PTPRD: variants seen among roughly 807,000 people sequenced by gnomAD.
The protein encoded by PTPRD is receptor-type tyrosine-protein phosphatase delta.
In PTPRD, 34 loss-of-function variants were observed where a neutral mutation model predicts 214.5. That is an observed-to-expected ratio of 0.16 (90% CI 0.12 to 0.21). The LOEUF is 0.21. PTPRD is among the 10% of genes least tolerant of loss of function. The pLI, the probability that PTPRD is intolerant of heterozygous loss-of-function variation, is 1.00. For synonymous variants in PTPRD, 1,128 were observed against 845.7 expected, an observed-to-expected ratio of 1.33 and a Z score of -5.79; for missense variants, 2,545 against 2,398.7, an observed-to-expected ratio of 1.06 and a Z score of -1.27.
At chr9:10,350,146 G>GT (rs147846534) in intron 2 of PTPRD, among the ~76,000 whole-genome samples, 24 of 151,448 alleles carry the variant, frequency 1.6e-4, no homozygotes, top group East Asian at 3.9e-4. Flanking sequence ...GAGTATACAT[G>GT]TTTTTTTTTC....
At chr9:9,843,103 TATA>T (rs2058717349) in intron 5 of PTPRD, among the ~76,000 whole-genome samples, 1 of 152,106 alleles carries the variant, frequency 6.6e-6, no homozygotes, top group Admixed American at 6.6e-5. Flanking sequence ...GATTTTGGGC[TATA>T]ATGTCAGAGT....
chr9:8,839,707 T>C lies in PTPRD; in HGVS notation c.-103-105761A>G, dbSNP rs192768031. Reference sequence around the variant, plus strand: ...ACATAACAACCCTAAAAAGAAATAATGCAAAATATAGAAAAAGCTACCTCT... The same window carrying C: ...ACATAACAACCCTAAAAAGAAATAACGCAAAATATAGAAAAAGCTACCTCT... On this transcript the variant is annotated intron_variant, in intron 11 of 45. Coordinates refer to ENST00000381196, the MANE Select transcript of PTPRD (RefSeq NM_002839.4). Among the ~76,000 whole-genome samples the C allele has an allele frequency of 1.8e-3, 279 of 152,206 alleles. 1 individual carries two copies. Among genetic ancestry groups the C allele is most frequent in the Non-Finnish European group, 1.5e-3 (99 of 67,998 alleles).
At chr9:9,955,482 C>T (rs1022520913) in intron 4 of PTPRD, among the ~76,000 whole-genome samples, 6 of 151,382 alleles carry the variant, frequency 4.0e-5, no homozygotes, top group Non-Finnish European at 8.8e-5. Flanking sequence ...CAACATTGAA[C>T]TCTGGATATT....
chr9:10,052,617 T>A (rs1285579600), intron 3 of PTPRD, among the ~76,000 whole-genome samples: 1 of 152,186 alleles, frequency 6.6e-6, no homozygotes, highest in Non-Finnish European at 1.5e-5. Flanking sequence ...ACCATCTCTA[T>A]TTATATTTTT....
At chr9:9,505,784 T>G (rs1379910434) in intron 8 of PTPRD, among the ~76,000 whole-genome samples, 1 of 151,550 alleles carries the variant, frequency 6.6e-6, no homozygotes, top group African/African-American at 2.4e-5. Context: ...GATAAACCTT[T>G]TAAATTTATT....
chr9:9,809,740 C>A (rs2046553652), intron 5 of PTPRD, among the ~76,000 whole-genome samples: 1 of 152,126 alleles, frequency 6.6e-6, no homozygotes, highest in Non-Finnish European at 1.5e-5. Flanking sequence ...ATGAAGCTAA[C>A]ACTGACATTC....
chr9:9,818,843 G>A (rs993416999), intron 5 of PTPRD, among the ~76,000 whole-genome samples: 2 of 150,022 alleles, frequency 1.3e-5, no homozygotes, highest in African/African-American at 4.9e-5. Flanking sequence ...TTGAAACTGG[G>A]AGGTAGAGGT....
chr9:8,846,522 C>T (rs955794987), intron 11 of PTPRD, among the ~76,000 whole-genome samples: 7 of 151,934 alleles, frequency 4.6e-5, no homozygotes, highest in African/African-American at 1.7e-4. Context: ...AGAAAGGTAC[C>T]CAGACTTGGG....
chr9:10,161,798 C>A (rs1011202371), intron 3 of PTPRD, among the ~76,000 whole-genome samples: 3 of 151,618 alleles, frequency 2.0e-5, no homozygotes, highest in African/African-American at 7.3e-5. Context: ...ATCCATCTGA[C>A]AAAAGATTAA....
At chr9:8,509,297 A>C (rs1407752017) in intron 21 of PTPRD, among the ~76,000 whole-genome samples, 1 of 152,220 alleles carries the variant, frequency 6.6e-6, no homozygotes, top group African/African-American at 2.4e-5. Context: ...GCAATAATGG[A>C]AACAAGAGTG....
chr9:9,667,824 C>A (rs927355825), intron 7 of PTPRD, among the ~76,000 whole-genome samples: 8 of 152,138 alleles, frequency 5.3e-5, no homozygotes, highest in Non-Finnish European at 1.0e-4. Context: ...GACAGGGAAG[C>A]AGTAATCTGC....
intron 3 of PTPRD, among the ~76,000 whole-genome samples, chr9:10,264,631 G>A (rs927073205): frequency 6.6e-6 from 1 of 152,128 alleles, no homozygotes; most frequent in East Asian, 1.9e-4. Context: ...CAGCCTCATA[G>A]GCCAAAGGGA....
At chr9:9,240,276 C>T (rs2099969709) in intron 9 of PTPRD, among the ~76,000 whole-genome samples, 1 of 152,092 alleles carries the variant, frequency 6.6e-6, no homozygotes, top group Non-Finnish European at 1.5e-5. Context: ...AAAATACTGA[C>T]ACATTAATTA....
At chr9:9,853,535 A>C (rs1486192019) in intron 5 of PTPRD, among the ~76,000 whole-genome samples, 1 of 151,786 alleles carries the variant, frequency 6.6e-6, no homozygotes, top group African/African-American at 2.4e-5. Flanking sequence ...TAATATTTTT[A>C]AGGGTTTTTT....
At chr9:8,953,591 T>G (rs1229578814) in intron 11 of PTPRD, among the ~76,000 whole-genome samples, 1 of 151,924 alleles carries the variant, frequency 6.6e-6, no homozygotes, top group African/African-American at 2.4e-5. Context: ...GTTCACAAAC[T>G]ATGCATCTCT....
At chr9:9,095,330 A>G (rs759551804) in intron 10 of PTPRD, among the ~76,000 whole-genome samples, 3 of 152,228 alleles carry the variant, frequency 2.0e-5, no homozygotes, top group Non-Finnish European at 4.4e-5. Flanking sequence ...ATTCACAGCC[A>G]ATATGACTGT....
chr9:10,592,664 C>T, intron 2 of PTPRD, among the ~76,000 whole-genome samples: 1 of 151,892 alleles, frequency 6.6e-6, no homozygotes, highest in Non-Finnish European at 1.5e-5. Context: ...CTGTAGCTAG[C>T]AAGGGTATTG....
chr9:9,304,781 A>G (rs1216543020), intron 9 of PTPRD, among the ~76,000 whole-genome samples: 1 of 151,422 alleles, frequency 6.6e-6, no homozygotes, highest in Non-Finnish European at 1.5e-5. Flanking sequence ...TGGAAAGGAA[A>G]AAGAGCTGAC....
chr9:8,513,762 C>T (rs1478443917), intron 21 of PTPRD, among the ~76,000 whole-genome samples: 5 of 152,052 alleles, frequency 3.3e-5, no homozygotes, highest in Admixed American at 2.6e-4. Context: ...TCAGAACAAA[C>T]ATCATTGTTT....
Sources: allele counts gnomAD v4.1 joint callset (sites outside exome capture counted in the v4.1 genomes callset), GRCh38; gene constraint gnomAD v4.1.1; transcripts MANE v1.5; gene names NCBI Gene and HGNC (gene_info 2026-07-23, HGNC 2026-07-21).